The following BRD7 variants were observed in gnomAD, a reference collection of about 807,000 sequenced individuals.
BRD7 encodes bromodomain-containing protein 7.
Under a neutral mutation model 82.1 loss-of-function variants are expected in BRD7, and 15 were observed. The ratio of observed to expected loss-of-function variants is 0.18; its 90% confidence interval spans 0.12 to 0.28. The LOEUF is 0.28. Ranked by LOEUF, BRD7 falls within the 10% of genes least tolerant of loss-of-function variation. The pLI is 1.00. For synonymous variants in BRD7, 232 were observed against 266.9 expected, an observed-to-expected ratio of 0.87 and a Z score of 1.27; for missense variants, 638 against 779.9, an observed-to-expected ratio of 0.82 and a Z score of 2.17.
intron 1 of BRD7, 104 bp from the exon 2 acceptor site, chr16:50,368,402 G>A (rs920615519): frequency 3.2e-6 from 4 of 1,231,390 alleles, no homozygotes; most frequent in Non-Finnish European, 4.5e-6. Flanking sequence ...AGCCCGAGGC[G>A]GCTTTGGGCG....
chr16:50,328,153 A>G (rs926420314), intron 9 of BRD7, among the ~76,000 whole-genome samples: 2 of 152,230 alleles, frequency 1.3e-5, no homozygotes, highest in Admixed American at 1.3e-4. Context: ...ATCATTTGAG[A>G]AAACAAAAAT....
At chr16:50,325,549 T>A (rs528565993) in intron 11 of BRD7, among the ~76,000 whole-genome samples, 199 bp downstream of exon 11, 120 of 152,248 alleles carry the variant, frequency 7.9e-4, no homozygotes, top group African/African-American at 2.6e-3. Context: ...ATACTGCAGA[T>A]GCTACTATCA....
chr16:50,342,183 C>T, intron 5 of BRD7, among the ~76,000 whole-genome samples: 1 of 149,502 alleles, frequency 6.7e-6, no homozygotes, highest in Non-Finnish European at 1.5e-5. Context: ...AGAAAAAAAA[C>T]AAAAAACAAA....
chr16:50,315,970 A>G lies in BRD7; in HGVS notation c.*3241T>C, dbSNP rs555323561. 6.4e-6 allele frequency: 1 copy of G among 155,790 alleles called. No homozygotes were observed. Among genetic ancestry groups the G allele is most frequent in the East Asian group, 1.8e-4 (1 of 5,442 alleles). The allele number at this position is 155,790 out of a possible 1,614,324, so 9.7% of individuals were successfully genotyped here. ...TCTCCCTGGTGGGCCTGGCAATGACAGCATTTCTCACAGAGGCATTCTGGT... is the reference window on the plus strand; with the variant it reads ...TCTCCCTGGTGGGCCTGGCAATGACGGCATTTCTCACAGAGGCATTCTGGT... On this transcript the variant is annotated 3_prime_UTR_variant, in exon 17 of 17. Coordinates refer to ENST00000394688, the MANE Select transcript of BRD7 (RefSeq NM_013263.5).
chr16:50,363,641 T>TGTGTGTGTG (rs2039012877), intron 2 of BRD7, among the ~76,000 whole-genome samples: 6 of 149,068 alleles, frequency 4.0e-5, no homozygotes. Context: ...CGTTGTGTGT[T>TGTGTGTGTG]TGTGTGTGTG....
chr16:50,355,932 A>C (rs1260047723), intron 2 of BRD7, among the ~76,000 whole-genome samples: 1 of 152,236 alleles, frequency 6.6e-6, no homozygotes, highest in Non-Finnish European at 1.5e-5. Context: ...AACTTATAAA[A>C]CATTAAGGAT....
chr16:50,354,006 G>A (rs1400508598), intron 4 of BRD7, among the ~76,000 whole-genome samples: 1 of 152,132 alleles, frequency 6.6e-6, no homozygotes, highest in Non-Finnish European at 1.5e-5. Context: ...GCATTTAAAA[G>A]AAGGCCATAA....
chr16:50,329,375 G>T (rs568614502), intron 8 of BRD7, among the ~76,000 whole-genome samples: 20 of 152,278 alleles, frequency 1.3e-4, no homozygotes, highest in African/African-American at 4.8e-4. Context: ...TAAAACCAAC[G>T]TGACAGGGAC....
chr16:50,322,453 A>G (rs770557970), intron 12 of BRD7, among the ~76,000 whole-genome samples: 10 of 152,242 alleles, frequency 6.6e-5, no homozygotes, highest in Non-Finnish European at 1.3e-4. Context: ...TGCTACAGAG[A>G]ATGTGAAAGC....
rs927052862 is a variant in BRD7 at position 50,368,573 on chromosome 16, G to A, written c.49+153C>T. ...TTCGAATGCCGCGGCCGCACGGGGG[G>A]CAGCGCGGCCTCCGGCAGGACGCGC... On this transcript the variant is annotated intron_variant, in intron 1 of 16. Coordinates refer to ENST00000394688, the MANE Select transcript of BRD7 (RefSeq NM_013263.5). 2.3e-5 allele frequency: 19 copies of A among 810,608 alleles called. No individual in the cohort carries two copies. The African/African-American group carries it at 3.0e-4, about 13-fold the overall frequency. The allele number at this position is 810,608 out of a possible 1,614,324, so 50.2% of individuals were successfully genotyped here. A position where few individuals can be genotyped will look rare whatever the true frequency, so the allele number is the denominator to read the frequency against.
chr16:50,368,711 C>T lies in BRD7; in HGVS notation c.49+15G>A. ...CGCCGAGGGCCCGCCGCCCGCACCC[C>T]GGCCCCCTCCTCACCCTCGTAGAGG... On this transcript the variant is annotated intron_variant, in intron 1 of 16. Transcript: ENST00000394688. 2 of 1,554,156 alleles carry T rather than the reference C, an allele frequency of 1.3e-6. No homozygotes were observed. The highest frequency in any genetic ancestry group is 1.7e-6 in the Non-Finnish European group (2 of 1,151,984).
intron 2 of BRD7, among the ~76,000 whole-genome samples, chr16:50,359,860 G>T (rs367683679): frequency 8.5e-5 from 13 of 152,154 alleles, no homozygotes; most frequent in Admixed American, 5.2e-4. Context: ...AGCTAGGTTG[G>T]GGGTGGAGGT....
chr16:50,368,636 GC>G, intron 1 of BRD7, 89 bp downstream of exon 1: 2 of 1,396,530 alleles, frequency 1.4e-6, no homozygotes, highest in Non-Finnish European at 1.9e-6. Context: ...GGAAGGAAGG[GC>G]CCCGGGCCGC....
chr16:50,367,241 G>C (rs746941654), intron 2 of BRD7, among the ~76,000 whole-genome samples: 1 of 152,180 alleles, frequency 6.6e-6, no homozygotes, highest in Non-Finnish European at 1.5e-5. Context: ...ATTATTATTA[G>C]AGACAGAGTC....
At position 50,354,007 on chromosome 16, in the gene BRD7, A is replaced by G. The variant is rs927111941; in HGVS notation, c.446+418T>C. ...TAGAACCAATTTCTGCATTTAAAAG[A>G]AGGCCATAATTCCTATTTATGGTGT... is the stretch of plus-strand genomic sequence containing the variant. On this transcript the variant is annotated intron_variant, in intron 4 of 16. Transcript: ENST00000394688. Among the ~76,000 whole-genome samples the G allele has an allele frequency of 2.0e-5, 3 of 152,220 alleles. No individual in the cohort carries two copies. In the East Asian group the frequency reaches 5.8e-4, roughly 29 times the overall value.
At chr16:50,342,676 C>T (rs796359039) in intron 5 of BRD7, among the ~76,000 whole-genome samples, 10 of 152,080 alleles carry the variant, frequency 6.6e-5, no homozygotes, top group African/African-American at 2.4e-4. Flanking sequence ...CTGCCTCGGC[C>T]TCCGGAAGTG....
rs1326107603 is a variant in BRD7 at position 50,318,113 on chromosome 16, A to G, written c.*1098T>C. 6.6e-6 allele frequency: 1 copy of G among 152,314 alleles called. No individual in the cohort carries two copies. Among genetic ancestry groups the G allele is most frequent in the Non-Finnish European group, 1.5e-5 (1 of 68,036 alleles). 9.4% of individuals were successfully genotyped at this position (152,314 alleles called of 1,614,324 possible). ...TGTTTAGCTGCTTTTTATACATTAA[A>G]TTAGCAATTTGAAAAACTCAAATAT... On this transcript the variant is annotated 3_prime_UTR_variant, in exon 17 of 17. Transcript: ENST00000394688.
chr16:50,330,982 T>A (rs569824123), intron 8 of BRD7, among the ~76,000 whole-genome samples: 175 of 152,184 alleles, frequency 1.1e-3, no homozygotes, highest in African/African-American at 4.1e-3. Flanking sequence ...GTATTTTTGG[T>A]AAAGATACAA....
At chr16:50,333,548 G>A (rs760928126) in intron 8 of BRD7, 26 bp downstream of exon 8, 14 of 1,601,278 alleles carry the variant, frequency 8.7e-6, no homozygotes, top group African/African-American at 4.1e-5. Flanking sequence ...AGTAGGTAGA[G>A]AAAAGAAAAG....
Sources: gnomAD v4.1 joint callset for allele counts (sites outside exome capture counted in the v4.1 genomes callset) on GRCh38, gnomAD v4.1.1 for gene constraint, MANE v1.5 for transcripts, NCBI Gene and HGNC (gene_info 2026-07-23, HGNC 2026-07-21) for gene names.